EXOC6B: variants seen among roughly 807,000 people sequenced by gnomAD.
The protein encoded by EXOC6B is exocyst complex component 6B.
EXOC6B carries 54 observed loss-of-function variants against 113.5 expected under a neutral mutation model. That is an observed-to-expected ratio of 0.48 (90% CI 0.38 to 0.60). The LOEUF (loss-of-function observed/expected upper bound fraction) is 0.60, where lower values mean the gene tolerates loss of function less well. EXOC6B is among the 20% of genes least tolerant of loss of function. EXOC6B has a pLI of 0.00. For synonymous variants in EXOC6B, 357 were observed against 339.0 expected (o/e 1.05, Z -0.58); for missense variants, 797 against 977.5 (o/e 0.82, Z 2.46).
chr2:72,519,641 G>C (rs1033376692), intron 8 of EXOC6B, among the ~76,000 whole-genome samples: 2 of 152,096 alleles, frequency 1.3e-5, no homozygotes, highest in Admixed American at 6.5e-5. Flanking sequence ...TAAAAGCAAT[G>C]GCTCAGTATT....
intron 20 of EXOC6B, among the ~76,000 whole-genome samples, chr2:72,295,332 A>T (rs1471941884): frequency 6.6e-6 from 1 of 152,110 alleles, no homozygotes; most frequent in Non-Finnish European, 1.5e-5. Context: ...CTTTTAAACT[A>T]TATACATATA....
rs1175704586 is a variant in EXOC6B, at chr2:72,177,394, G to C, written c.*1941C>G. ...GCAAACTGGGTACTAGCAAAGAGAA[G>C]TGTTTTGAACTCTTCTCAAGCAATA... is the stretch of plus-strand genomic sequence containing the variant. On this transcript the variant is annotated 3_prime_UTR_variant, in exon 22 of 22. Coordinates refer to ENST00000272427, the MANE Select transcript of EXOC6B (RefSeq NM_015189.3). 6.6e-6 allele frequency: 1 copy of C among 152,242 alleles called. No individual in the cohort carries two copies. Among genetic ancestry groups the C allele is most frequent in the Non-Finnish European group, 1.5e-5 (1 of 68,036 alleles). 9.4% of individuals were successfully genotyped at this position (152,242 alleles called of 1,614,324 possible). A position where few individuals can be genotyped will look rare whatever the true frequency, so the allele number is the denominator to read the frequency against.
Position 72,303,945 on chromosome 2 carries a change from C to T in EXOC6B, c.2196+31002G>A, listed in dbSNP as rs1404765466. ...TGAGGACCAGGACCTATGTGGAAAA[C>T]ATTCTGGCCACTCTTCCGTGAGGTG... On this transcript the variant is annotated intron_variant, in intron 20 of 21. Coordinates refer to ENST00000272427, the MANE Select transcript of EXOC6B (RefSeq NM_015189.3). Among the ~76,000 whole-genome samples the T allele has an allele frequency of 2.0e-5, 3 of 152,156 alleles. 1 individual carries two copies. Among genetic ancestry groups the T allele is most frequent in the Non-Finnish European group, 4.4e-5 (3 of 68,038 alleles).
At chr2:72,763,428 CT>C (rs869206848) in intron 1 of EXOC6B, among the ~76,000 whole-genome samples, 149 of 141,114 alleles carry the variant, frequency 1.1e-3, no homozygotes, top group Admixed American at 1.3e-3. Flanking sequence ...CGTGTTTTTT[CT>C]TTTTTTTTTT....
chr2:72,459,715 C>G (rs1014501699), intron 18 of EXOC6B, among the ~76,000 whole-genome samples: 22 of 152,094 alleles, frequency 1.4e-4, no homozygotes, highest in African/African-American at 4.6e-4. Flanking sequence ...AGGATACAAA[C>G]AAATGGAAGA....
chr2:72,441,321 C>G (rs1050875051), intron 18 of EXOC6B, among the ~76,000 whole-genome samples: 1 of 151,844 alleles, frequency 6.6e-6, no homozygotes, highest in Non-Finnish European at 1.5e-5. Context: ...AATCTAACAT[C>G]ACAACTAAAA....
chr2:72,693,465 T>C (rs902381620), intron 6 of EXOC6B, among the ~76,000 whole-genome samples: 4 of 152,178 alleles, frequency 2.6e-5, no homozygotes, highest in African/African-American at 9.6e-5. Context: ...AGCTCTTTTC[T>C]TTGCCTATGA....
chr2:72,782,901 G>A (rs984756875), intron 1 of EXOC6B, among the ~76,000 whole-genome samples: 11 of 152,178 alleles, frequency 7.2e-5, no homozygotes, highest in East Asian at 1.9e-4. Context: ...TGTATACCTC[G>A]TTTTCTTTAT....
At chr2:72,481,496 A>G (rs1699091072) in intron 16 of EXOC6B, among the ~76,000 whole-genome samples, 1 of 152,252 alleles carries the variant, frequency 6.6e-6, no homozygotes, top group African/African-American at 2.4e-5. Context: ...AACAGGAATC[A>G]TTAAAATGGC....
At chr2:72,453,073 C>A (rs1208238369) in intron 18 of EXOC6B, among the ~76,000 whole-genome samples, 2 of 152,068 alleles carry the variant, frequency 1.3e-5, no homozygotes, top group African/African-American at 4.8e-5. Flanking sequence ...AACTAGTTTA[C>A]TGTAGCAAAA....
chr2:72,648,428 GGGTATATACCCAAA>G (rs2104388722), intron 6 of EXOC6B, among the ~76,000 whole-genome samples: 1 of 152,274 alleles, frequency 6.6e-6, no homozygotes, highest in African/African-American at 2.4e-5. Flanking sequence ...TCCCATTACT[GGGTATATACCCAAA>G]GGATTATAAA....
At chr2:72,808,513 C>T (rs913216261) in intron 1 of EXOC6B, among the ~76,000 whole-genome samples, 2 of 152,194 alleles carry the variant, frequency 1.3e-5, no homozygotes, top group African/African-American at 4.8e-5. Flanking sequence ...AATCCCAAAA[C>T]TTTGTGAGGC....
chr2:72,352,106 C>T (rs867057788), intron 19 of EXOC6B, among the ~76,000 whole-genome samples: 1 of 152,230 alleles, frequency 6.6e-6, no homozygotes, highest in South Asian at 2.1e-4. Context: ...TTTAGTGCAA[C>T]CCATTTACAT....
At chr2:72,715,430 T>TATATATA (rs1202959328) in intron 6 of EXOC6B, among the ~76,000 whole-genome samples, 1 of 148,178 alleles carries the variant, frequency 6.7e-6, no homozygotes, top group Non-Finnish European at 1.5e-5. Context: ...ATTTAAAATA[T>TATATATA]ATATATAATA....
intron 6 of EXOC6B, among the ~76,000 whole-genome samples, chr2:72,653,155 C>G (rs1315904539): frequency 6.6e-6 from 1 of 151,382 alleles, no homozygotes; most frequent in Non-Finnish European, 1.5e-5. Context: ...TGGAACCAAC[C>G]CAAATGTCCA....
intron 20 of EXOC6B, among the ~76,000 whole-genome samples, chr2:72,307,301 G>A (rs1220624254): frequency 3.3e-5 from 5 of 151,978 alleles, no homozygotes; most frequent in Admixed American, 6.5e-5. Context: ...TACCACGTCC[G>A]GCTATTTTTT....
intron 6 of EXOC6B, among the ~76,000 whole-genome samples, chr2:72,610,994 T>C (rs573834891): frequency 1.3e-5 from 2 of 152,136 alleles, no homozygotes; most frequent in South Asian, 4.2e-4. Context: ...TTTTCAAAAA[T>C]CCATATCCCA....
chr2:72,423,257 A>C lies in EXOC6B; in HGVS notation c.1980+41903T>G, dbSNP rs59784319. On this transcript the variant is annotated intron_variant, in intron 18 of 21. Coordinates refer to ENST00000272427, the MANE Select transcript of EXOC6B (RefSeq NM_015189.3). The stretch of plus-strand genomic sequence containing the variant: ...GACCACGAACCCACCAGAAGGAAGA[A>C]ACTCCGAACACATCTGAACATCAGA... Among the ~76,000 whole-genome samples the C allele has an allele frequency of 4.0e-3, 608 of 152,052 alleles. 5 individuals carry two copies. The highest frequency in any genetic ancestry group is 0.014 in the African/African-American group (580 of 41,448).
At chr2:72,588,138 T>G (rs974546093) in intron 6 of EXOC6B, among the ~76,000 whole-genome samples, 15 of 152,252 alleles carry the variant, frequency 9.9e-5, no homozygotes, top group Admixed American at 3.3e-4. Context: ...CAAAAATATT[T>G]AAAATGAAAT....
Sources: gnomAD v4.1 joint callset for allele counts (sites outside exome capture counted in the v4.1 genomes callset) on GRCh38, gnomAD v4.1.1 for gene constraint, MANE v1.5 for transcripts, NCBI Gene and HGNC (gene_info 2026-07-23, HGNC 2026-07-21) for gene names.